The following ZNF551 variants were observed in gnomAD, a reference collection of about 807,000 sequenced individuals.
ZNF551 encodes the protein zinc finger protein 551, also known as KOX 23 protein (56 AA).
ZNF551 carries 5 observed loss-of-function variants against 7.9 expected under a neutral mutation model. The ratio of observed to expected loss-of-function variants is 0.63; its 90% CI spans 0.33 to 1.33. The LOEUF is 1.33. ZNF551 is among the 40% of genes most tolerant of loss of function. The pLI is 0.05. For missense variants in ZNF551, 788 were observed against 825.2 expected (o/e 0.95, Z 0.55); for synonymous variants, 287 against 277.3 (o/e 1.03, Z -0.35).
At position 57,685,385 on chromosome 19, in the gene ZNF551, G is replaced by T. The variant is rs142211450; in HGVS notation, c.205G>T (p.Gly69Cys). The T allele has an allele frequency of 2.4e-5, 38 of 1,614,042 alleles. No homozygotes were observed. The highest frequency in any genetic ancestry group is 1.6e-4 in the Middle Eastern group (1 of 6,062). ...LENFAHVTSL[G>C]YCHGMENEAI... ...GAACTTTGCACATGTAACATCCCTG[G>T]GTAAGGCCCTAGCATCCCTCCGAGT... Residue 69 changes from glycine to cysteine, a missense_variant and splice_region_variant, in exon 2 of 3, where the codon GGT (glycine) becomes TGT (cysteine). Transcript: ENST00000282296.
At chr19:57,685,510 C>A in intron 2 of ZNF551, 125 bp downstream of exon 2, 1 of 1,460,282 alleles carries the variant, frequency 6.8e-7, no homozygotes, top group Non-Finnish European at 9.6e-7. Flanking sequence ...GTCAGGATGA[C>A]TGTGTACAGA....
At position 57,689,439 on chromosome 19, in the gene ZNF551, A is replaced by G. The variant is rs1219096321; in HGVS notation, c.*1151A>G. 3 of 152,226 alleles carry G rather than the reference A, an allele frequency of 2.0e-5. No individual in the cohort carries two copies. The highest frequency in any genetic ancestry group is 6.5e-5 in the Admixed American group (1 of 15,284). The allele number at this position is 152,226 out of a possible 1,614,324, so 9.4% of individuals were successfully genotyped here. A position where few individuals can be genotyped will look rare whatever the true frequency, so the allele number is the denominator to read the frequency against. On this transcript the variant is annotated 3_prime_UTR_variant, in exon 3 of 3. Transcript: ENST00000282296. ...CTAAAAGTTCATCTACAAATTTTCC[A>G]GTGAATATGGTTGTGTAGGATCAGT...
At position 57,686,657 on chromosome 19, in the gene ZNF551, G is replaced by A; in HGVS notation, c.382G>A (p.Val128Met). Residue 128 changes from valine to methionine, a missense_variant, in exon 3 of 3, where the codon GTG becomes ATG. By Grantham distance (21) the Val-to-Met change is conservative (BLOSUM62 1). Transcript: ENST00000282296. ...PAAEHQTTSP[V>M]QKSYLGSTSM... ...GGCTGAGCACCAAACCACATCCCCT[G>A]TGCAAAAGTCATACTTGGGTAGCAC... is the stretch of plus-strand genomic sequence containing the variant. 1 of 1,614,170 alleles carries A rather than the reference G, an allele frequency of 6.2e-7. No homozygotes were observed.
intron 1 of ZNF551, among the ~76,000 whole-genome samples, chr19:57,684,067 C>G (rs150487589): frequency 3.3e-5 from 5 of 152,200 alleles, no homozygotes; most frequent in African/African-American, 1.2e-4. Context: ...GGACAGCAAT[C>G]ACAGCCCAGA....
rs760509315 is a variant in ZNF551, at chr19:57,687,761, G to A, written c.1486G>A (p.Val496Ile). 6.2e-7 allele frequency: 1 copy of A among 1,613,860 alleles called. No individual in the cohort carries two copies. The highest frequency in any genetic ancestry group is 8.5e-7 in the Non-Finnish European group (1 of 1,179,944). ...ATTTATCCTGATTCAACACCAAAGA[G>A]TTCACACTGGAGAAAGACCTTATGA... The part of the protein sequence containing the change: ...RKFILIQHQR[V>I]HTGERPYECS... Residue 496 changes from valine (V) to isoleucine (I), a missense_variant, in exon 3 of 3, where the codon GTT (valine) becomes ATT (isoleucine). Transcript: ENST00000282296.
rs778859483 is a variant in ZNF551 at position 57,686,956 on chromosome 19, A to G, written c.681A>G (p.Glu227=). The change falls in exon 3 of 3, where the codon GAA becomes GAG. Residue 227 remains glutamate, a synonymous_variant. Transcript: ENST00000282296. ...FNAKSYYKWG[E]YRKASSHKHT... is the part of the protein sequence containing the mutation. Reference sequence around the variant, plus strand: ...CAAAAAGTTATTACAAGTGGGGTGAATACAGAAAAGCTTCAAGCCACAAAC... The same window carrying G: ...CAAAAAGTTATTACAAGTGGGGTGAGTACAGAAAAGCTTCAAGCCACAAAC... 1 of 1,614,224 alleles carries G rather than the reference A, an allele frequency of 6.2e-7. No homozygotes were observed. Among genetic ancestry groups the G allele is most frequent in the South Asian group, 1.1e-5 (1 of 91,090 alleles).
At chr19:57,683,791 CAG>C (rs988999306) in intron 1 of ZNF551, among the ~76,000 whole-genome samples, 5 of 151,996 alleles carry the variant, frequency 3.3e-5, no homozygotes, top group African/African-American at 1.2e-4. Flanking sequence ...CAAGGCTTCT[CAG>C]GGGTGAGTAG....
Position 57,682,023 on chromosome 19 carries a change from T to A in ZNF551, c.-141T>A. The A allele has an allele frequency of 1.1e-6, 1 of 891,248 alleles. No individual in the cohort carries two copies. Among genetic ancestry groups the A allele is most frequent in the Non-Finnish European group, 1.7e-6 (1 of 589,580 alleles). 55.2% of individuals were successfully genotyped at this position (891,248 alleles called of 1,614,324 possible). A position where few individuals can be genotyped will look rare whatever the true frequency, so the allele number is the denominator to read the frequency against. ...GTGGCGGTCATTTTGGCCTCTGTCC[T>A]GTTTGTCCAGCCCGCCAGTTTCTGC... On this transcript the variant is annotated 5_prime_UTR_variant, in exon 1 of 3. Coordinates refer to ENST00000282296, the MANE Select transcript of ZNF551 (RefSeq NM_138347.5).
chr19:57,685,337 C>T lies in ZNF551; in HGVS notation c.157C>T (p.Leu53=), dbSNP rs376898853. The part of the protein sequence containing the change: ...WELLDESQRF[L]YCDVMLENFA... ...GCTCCTTGATGAGTCTCAGAGGTTC[C>T]TGTACTGCGATGTGATGCTGGAGAA... The change falls in exon 2 of 3, where the codon CTG becomes TTG. Residue 53 remains leucine (L), a synonymous_variant. Coordinates refer to ENST00000282296, the MANE Select transcript of ZNF551 (RefSeq NM_138347.5). The T allele has an allele frequency of 2.5e-6, 4 of 1,613,994 alleles. No homozygotes were observed. Among genetic ancestry groups the T allele is most frequent in the African/African-American group, 1.3e-5 (1 of 74,894 alleles).
In ZNF551 at chr19:57,687,973, GTC is replaced by G. The variant is rs1202741168; in HGVS notation, c.1700_1701del (p.Ser567PhefsTer2). On this transcript the variant is annotated frameshift_variant, in exon 3 of 3. Transcript: ENST00000282296. LOFTEE classifies it low-confidence loss of function (END_TRUNC). ...RPYECSECGK[S>X]FSQSASLIQH... Reference sequence around the variant, plus strand: ...CTTATGAATGTAGTGAATGTGGAAAGTCTTTTAGCCAAAGTGCTAGCCTCATT... The same window carrying G: ...CTTATGAATGTAGTGAATGTGGAAAGTTTTAGCCAAAGTGCTAGCCTCATT... The G allele has an allele frequency of 1.9e-6, 3 of 1,612,616 alleles. No individual in the cohort carries two copies. The highest frequency in any genetic ancestry group is 4.5e-5 in the East Asian group (2 of 44,700).
At position 57,689,947 on chromosome 19, in the gene ZNF551, C is replaced by T. The variant is rs944258668; in HGVS notation, c.*1659C>T. On this transcript the variant is annotated 3_prime_UTR_variant, in exon 3 of 3. Transcript: ENST00000282296. ...CGGTCCAGGGATGTGGCTTTTGTGACTCAGCCAACATTCCTATTAATTCAG... is the reference window on the plus strand; with the variant it reads ...CGGTCCAGGGATGTGGCTTTTGTGATTCAGCCAACATTCCTATTAATTCAG... 4 of 152,068 alleles carry T rather than the reference C, an allele frequency of 2.6e-5. No individual in the cohort carries two copies. Among genetic ancestry groups the T allele is most frequent in the Non-Finnish European group, 5.9e-5 (4 of 68,024 alleles). The allele number at this position is 152,068 out of a possible 1,614,324, so 9.4% of individuals were successfully genotyped here. A position where few individuals can be genotyped will look rare whatever the true frequency, so the allele number is the denominator to read the frequency against.
rs1450397934 is a variant in ZNF551 at position 57,687,094 on chromosome 19, C to T, written c.819C>T (p.His273=). 1 of 1,614,134 alleles carries T rather than the reference C, an allele frequency of 6.2e-7. No homozygotes were observed. The highest frequency in any genetic ancestry group is 8.5e-7 in the Non-Finnish European group (1 of 1,180,058). The change falls in exon 3 of 3, where the codon CAC becomes CAT. Residue 273 remains histidine (H), a synonymous_variant. Transcript: ENST00000282296. ...CACTTGTTCAGCACCAGCAAATTCA[C>T]ACTGGACAAAAGATGTTTGAGTGTA... The part of the protein sequence containing the change: ...KNTLVQHQQI[H]TGQKMFECSE...
At position 57,686,642 on chromosome 19, in the gene ZNF551, C is replaced by CA. The variant is rs1437082374; in HGVS notation, c.370dup (p.Thr124AsnfsTer12). 3 of 1,614,200 alleles carry CA rather than the reference C, an allele frequency of 1.9e-6. 1 individual carries two copies. In the South Asian group the frequency reaches 3.3e-5, roughly 18 times the overall value. On this transcript the variant is annotated frameshift_variant, in exon 3 of 3. Transcript: ENST00000282296. LOFTEE classifies it low-confidence loss of function (END_TRUNC). ...AGACATTTTGCCTGCGGCTGAGCAC[C>CA]AAACCACATCCCCTGTGCAAAAGTC...
chr19:57,687,067 C>A lies in ZNF551; in HGVS notation c.792C>A (p.Asn264Lys), dbSNP rs768538765. The change falls in exon 3 of 3, where the codon AAC (asparagine) becomes AAA (lysine). Residue 264 changes from asparagine to lysine, a missense_variant. Physicochemically the swap from Asn to Lys is moderately conservative, Grantham distance 94. Transcript: ENST00000282296. ...GTGAGAAAGCCTTCACTTGCAAGAA[C>A]ACACTTGTTCAGCACCAGCAAATTC... Reference protein sequence around the residue: ...SKCEKAFTCKNTLVQHQQIHT... With the variant: ...SKCEKAFTCKKTLVQHQQIHT... 8.1e-6 allele frequency: 13 copies of A among 1,614,192 alleles called. No homozygotes were observed. The South Asian group carries it at 1.1e-4, about 14-fold the overall frequency.
chr19:57,685,236 G>A, intron 1 of ZNF551, 26 bp from the exon 2 acceptor site: 1 of 1,612,562 alleles, frequency 6.2e-7, no homozygotes, highest in South Asian at 1.1e-5. Context: ...GTCTGATCGT[G>A]GATTGAACTA....
rs1984657132 is a variant in ZNF551 at position 57,688,334 on chromosome 19, G to A, written c.*46G>A. On this transcript the variant is annotated 3_prime_UTR_variant, in exon 3 of 3. Coordinates refer to ENST00000282296, the MANE Select transcript of ZNF551 (RefSeq NM_138347.5). ...TTCTTTATTCAGTATAATAGCACTG[G>A]AGGAGACTGTGGTAGCCATCTTCGT... 2.5e-6 allele frequency: 4 copies of A among 1,581,134 alleles called. No homozygotes were observed. Among genetic ancestry groups the A allele is most frequent in the Non-Finnish European group, 3.4e-6 (4 of 1,161,342 alleles).
rs547649876 is a variant in ZNF551 at position 57,688,253 on chromosome 19, C to A, written c.1978C>A (p.Arg660=). ...CTTTAGCCGCAAATCTAACCTCATT[C>A]GACATCGGAGAGTTCACACTGAAGA... is the stretch of plus-strand genomic sequence containing the variant. ...KSFSRKSNLI[R]HRRVHTEERP The change falls in exon 3 of 3, where the codon CGA becomes AGA. Residue 660 remains arginine (R), a synonymous_variant. Coordinates refer to ENST00000282296, the MANE Select transcript of ZNF551 (RefSeq NM_138347.5). 3 of 1,614,052 alleles carry A rather than the reference C, an allele frequency of 1.9e-6. No individual in the cohort carries two copies. The highest frequency in any genetic ancestry group is 2.5e-6 in the Non-Finnish European group (3 of 1,180,024).
rs748682157 is a variant in ZNF551, at chr19:57,686,514, C to G, written c.239C>G (p.Ala80Gly). ...CATGGAATGGAGAATGAGGCGATAG[C>G]TTCTGAGCAGAGTGTATCTATACAG... ...YCHGMENEAI[A>G]SEQSVSIQVR... Residue 80 changes from alanine to glycine, a missense_variant, in exon 3 of 3, where the codon GCT becomes GGT. By Grantham distance (60) the Ala-to-Gly change is moderately conservative. Transcript: ENST00000282296. The G allele has an allele frequency of 3.1e-6, 5 of 1,613,508 alleles. No homozygotes were observed. The South Asian group carries it at 5.5e-5, about 18-fold the overall frequency.
In ZNF551 at chr19:57,686,628, C is replaced by T. The variant is rs1323045482; in HGVS notation, c.353C>T (p.Pro118Leu). ...MCVPVLKDIL[P>L]AAEHQTTSPV... ...GTCCCAGTCTTGAAAGACATTTTGC[C>T]TGCGGCTGAGCACCAAACCACATCC... Residue 118 changes from proline (P) to leucine (L), a missense_variant, in exon 3 of 3, where the codon CCT (proline) becomes CTT (leucine). Coordinates refer to ENST00000282296, the MANE Select transcript of ZNF551 (RefSeq NM_138347.5). The T allele has an allele frequency of 1.9e-6, 3 of 1,614,048 alleles. No individual in the cohort carries two copies. In the African/African-American group the frequency reaches 4.0e-5, roughly 22 times the overall value.
Sources: allele counts gnomAD v4.1 joint callset (sites outside exome capture counted in the v4.1 genomes callset), GRCh38; gene constraint gnomAD v4.1.1; transcripts MANE v1.5; gene names NCBI Gene and HGNC (gene_info 2026-07-23, HGNC 2026-07-21).